Variants in CYP19A1 observed in about 807,000 individuals in gnomAD.
The protein encoded by CYP19A1 is cytochrome P450 family 19 subfamily A member 1, also known as aromatase.
CYP19A1 carries 32 observed loss-of-function variants against 44.4 expected under a neutral mutation model. The observed-to-expected ratio is 0.72, with a 90% confidence interval of 0.54 to 0.97. The LOEUF (loss-of-function observed/expected upper bound fraction) is 0.97, where lower values mean the gene tolerates loss of function less well. CYP19A1 is among the 50% of genes least tolerant of loss of function. The pLI, the probability that CYP19A1 is intolerant of heterozygous loss-of-function variation, is 0.00. For missense variants in CYP19A1, 598 were observed against 637.8 expected (o/e 0.94, Z 0.67); for synonymous variants, 212 against 215.6 (o/e 0.98, Z 0.14).
intron 4 of CYP19A1, among the ~76,000 whole-genome samples, chr15:51,225,685 C>G (rs1291411954): frequency 2.0e-5 from 3 of 152,142 alleles, no homozygotes; most frequent in African/African-American, 7.2e-5. Flanking sequence ...CTAAATTTGT[C>G]TGGGTCATAA....
intron 4 of CYP19A1, among the ~76,000 whole-genome samples, chr15:51,225,633 T>C (rs948283791): frequency 2.6e-5 from 4 of 152,156 alleles, no homozygotes; most frequent in Non-Finnish European, 5.9e-5. Context: ...TATAAGGAGA[T>C]TTATCTCCCC....
At chr15:51,249,128 C>CA (rs1182440853) in intron 1 of CYP19A1, among the ~76,000 whole-genome samples, 1 of 151,914 alleles carries the variant, frequency 6.6e-6, no homozygotes, top group Non-Finnish European at 1.5e-5. Flanking sequence ...TTAGTAGAGA[C>CA]AGAGTTATCA....
intron 1 of CYP19A1, among the ~76,000 whole-genome samples, chr15:51,326,162 G>A (rs544962062): frequency 7.9e-5 from 12 of 152,232 alleles, no homozygotes; most frequent in African/African-American, 2.9e-4. Context: ...TAATTCCTGA[G>A]TCCTCCCCAA....
intron 1 of CYP19A1, among the ~76,000 whole-genome samples, chr15:51,292,920 T>C (rs564096251): frequency 6.6e-6 from 1 of 151,942 alleles, no homozygotes; most frequent in Non-Finnish European, 1.5e-5. Context: ...CTGCTTGGCA[T>C]TGAGGGGCAT....
chr15:51,244,934 G>T (rs1459133091), intron 1 of CYP19A1, among the ~76,000 whole-genome samples: 1 of 152,200 alleles, frequency 6.6e-6, no homozygotes. Context: ...AAACCTGTTA[G>T]TAAGTTTATT....
At chr15:51,333,688 G>T (rs940911508) in intron 1 of CYP19A1, among the ~76,000 whole-genome samples, 3 of 152,172 alleles carry the variant, frequency 2.0e-5, no homozygotes, top group Non-Finnish European at 4.4e-5. Context: ...GCAAGTCTTG[G>T]CAATAAAAGG....
chr15:51,215,182 C>T lies in CYP19A1; in HGVS notation c.909G>A (p.Met303Ile). Residue 303 changes from methionine to isoleucine, a missense_variant, in exon 8 of 10, where the codon ATG becomes ATA. Met to Ile is a conservative substitution (Grantham distance 10, BLOSUM62 1). Coordinates refer to ENST00000396402, the MANE Select transcript of CYP19A1 (RefSeq NM_000103.4). ...RENVNQCILEMLIAAPDTMSV... is the reference protein window; with the variant it reads ...RENVNQCILEILIAAPDTMSV... ...ACATGGTGTCAGGAGCTGCGATCAG[C>T]ATTTCCAATATGCACTGGTTCACAT... The T allele has an allele frequency of 1.2e-6, 2 of 1,614,096 alleles. No individual in the cohort carries two copies. Among genetic ancestry groups the T allele is most frequent in the South Asian group, 2.2e-5 (2 of 91,076 alleles).
chr15:51,270,184 G>GTTTTTTTTTTTTTGTT (rs3078032), intron 1 of CYP19A1, among the ~76,000 whole-genome samples: 1 of 149,130 alleles, frequency 6.7e-6, no homozygotes, highest in African/African-American at 2.5e-5. Flanking sequence ...GTATTCTTTG[G>GTTTTTTTTTTTTTGTT]TTTTTTTTTT....
rs2030641086 is a variant in CYP19A1 at position 51,208,778 on chromosome 15, GT to G, written c.*2029del. 1 of 113,644 alleles carries G rather than the reference GT, an allele frequency of 8.8e-6. No homozygotes were observed. The highest frequency in any genetic ancestry group is 3.6e-5 in the African/African-American group (1 of 27,972). The allele number at this position is 113,644 out of a possible 1,614,324, so 7.0% of individuals were successfully genotyped here. A position where few individuals can be genotyped will look rare whatever the true frequency, so the allele number is the denominator to read the frequency against. ...CCCACCCCCCACCCTTCCACTCCCA[GT>G]TTTCCCCCAGGATATTTTTGTACCT... is the stretch of plus-strand genomic sequence containing the variant. On this transcript the variant is annotated 3_prime_UTR_variant, in exon 10 of 10. Coordinates refer to ENST00000396402, the MANE Select transcript of CYP19A1 (RefSeq NM_000103.4).
intron 1 of CYP19A1, among the ~76,000 whole-genome samples, chr15:51,296,036 C>T (rs2035988948): frequency 6.6e-6 from 1 of 152,052 alleles, no homozygotes; most frequent in African/African-American, 2.4e-5. Flanking sequence ...TCCATAGATT[C>T]CAGAGAAGGG....
intron 1 of CYP19A1, among the ~76,000 whole-genome samples, chr15:51,266,320 C>T (rs2034916328): frequency 6.6e-6 from 1 of 152,226 alleles, no homozygotes; most frequent in Admixed American, 6.5e-5. Flanking sequence ...ACTATGTACC[C>T]AAGGTCCCAC....
chr15:51,314,415 C>A (rs557706380), intron 1 of CYP19A1, among the ~76,000 whole-genome samples: 3 of 152,154 alleles, frequency 2.0e-5, no homozygotes, highest in Non-Finnish European at 4.4e-5. Context: ...GGTCCACAGA[C>A]CCCCTGAGGT....
intron 1 of CYP19A1, among the ~76,000 whole-genome samples, chr15:51,285,212 G>A (rs1028397498): frequency 3.9e-5 from 6 of 152,148 alleles, no homozygotes; most frequent in Non-Finnish European, 5.9e-5. Flanking sequence ...GAGTATCATT[G>A]CCCCCATTCA....
At chr15:51,262,803 A>G (rs1290960604) in intron 1 of CYP19A1, among the ~76,000 whole-genome samples, 2 of 152,214 alleles carry the variant, frequency 1.3e-5, no homozygotes, top group Admixed American at 1.3e-4. Flanking sequence ...CCTTTGGCAG[A>G]CAGAGCATGA....
At position 51,210,404 on chromosome 15, in the gene CYP19A1, C is replaced by T. The variant is rs1354733167; in HGVS notation, c.*404G>A. On this transcript the variant is annotated 3_prime_UTR_variant, in exon 10 of 10. Transcript: ENST00000396402. ...CCAGGTACCCTGACATTGGCCTGGTCTTTCTAATCAACTTGAGTGTTTCTG... is the reference window on the plus strand; with the variant it reads ...CCAGGTACCCTGACATTGGCCTGGTTTTTCTAATCAACTTGAGTGTTTCTG... 2.0e-6 allele frequency: 1 copy of T among 507,432 alleles called. No homozygotes were observed. The highest frequency in any genetic ancestry group is 2.3e-5 in the Admixed American group (1 of 43,912). 31.4% of individuals were successfully genotyped at this position (507,432 alleles called of 1,614,324 possible).
At chr15:51,290,808 C>T (rs1165124304) in intron 1 of CYP19A1, among the ~76,000 whole-genome samples, 1 of 152,232 alleles carries the variant, frequency 6.6e-6, no homozygotes, top group African/African-American at 2.4e-5. Flanking sequence ...TTTCCCAAGA[C>T]TCTGGACTTC....
At chr15:51,218,308 C>G in intron 6 of CYP19A1, 1 of 528,186 alleles carries the variant, frequency 1.9e-6, no homozygotes, top group Non-Finnish European at 3.3e-6. Context: ...AGACCACACA[C>G]TCAGCCCCCT....
intron 1 of CYP19A1, among the ~76,000 whole-genome samples, chr15:51,334,387 T>C (rs536256604): frequency 1.3e-5 from 2 of 152,360 alleles, no homozygotes; most frequent in African/African-American, 2.4e-5. Flanking sequence ...ACAGGCTTAT[T>C]ATGGAACTCA....
chr15:51,275,720 C>T (rs1021337036), intron 1 of CYP19A1, among the ~76,000 whole-genome samples: 1 of 152,126 alleles, frequency 6.6e-6, no homozygotes. Context: ...CAGAGAAAGA[C>T]TAAATTATCC....
Sources: allele counts gnomAD v4.1 joint callset (sites outside exome capture counted in the v4.1 genomes callset), GRCh38; gene constraint gnomAD v4.1.1; transcripts MANE v1.5; gene names NCBI Gene and HGNC (gene_info 2026-07-23, HGNC 2026-07-21).